PHLDB2: variants seen among roughly 807,000 people sequenced by gnomAD.
The protein encoded by PHLDB2 is pleckstrin homology-like domain family B member 2.
In PHLDB2, 71 loss-of-function variants were observed where a neutral mutation model predicts 123.6. The ratio of observed to expected loss-of-function variants is 0.57; its 90% CI spans 0.47 to 0.70. The LOEUF (loss-of-function observed/expected upper bound fraction) is 0.70. Ranked by LOEUF, PHLDB2 falls within the 30% of genes least tolerant of loss-of-function variation. The probability of loss-of-function intolerance (pLI) is 0.00; values close to 1 mark genes in which losing one functional copy is unlikely to be tolerated. For synonymous variants in PHLDB2, 547 were observed against 541.6 expected (o/e 1.01, Z -0.14); for missense variants, 1,446 against 1,519.5 (o/e 0.95, Z 0.80).
At chr3:111,971,137 G>A (rs1393963686) in intron 16 of PHLDB2, among the ~76,000 whole-genome samples, 1 of 152,176 alleles carries the variant, frequency 6.6e-6, no homozygotes, top group East Asian at 1.9e-4. Context: ...AACATCCAGA[G>A]CAGCTTTCTT....
intron 1 of PHLDB2, among the ~76,000 whole-genome samples, chr3:111,880,569 ACAGTCCCGGT>A (rs1443180276): frequency 2.6e-5 from 4 of 152,270 alleles, no homozygotes; most frequent in Non-Finnish European, 5.9e-5. Context: ...TTTATAGAGG[ACAGTCCCGGT>A]CATAACCATG....
chr3:111,922,951 T>C (rs1476945875), intron 5 of PHLDB2, among the ~76,000 whole-genome samples: 1 of 152,174 alleles, frequency 6.6e-6, no homozygotes, highest in Non-Finnish European at 1.5e-5. Context: ...AGGTCTTCAG[T>C]CTTTCTGCAC....
chr3:111,851,770 G>A (rs1461391306), intron 2 of PHLDB2, among the ~76,000 whole-genome samples: 1 of 152,028 alleles, frequency 6.6e-6, no homozygotes, highest in Non-Finnish European at 1.5e-5. Context: ...TCGATGCGAA[G>A]CCTAAAATTC....
chr3:111,887,688 T>C (rs2107349320), intron 2 of PHLDB2, among the ~76,000 whole-genome samples: 1 of 152,056 alleles, frequency 6.6e-6, no homozygotes, highest in Non-Finnish European at 1.5e-5. Context: ...TAGAAATTCA[T>C]TTTTTATTAT....
chr3:111,868,353 A>G (rs2065182612), intron 1 of PHLDB2, among the ~76,000 whole-genome samples: 1 of 152,124 alleles, frequency 6.6e-6, no homozygotes, highest in African/African-American at 2.4e-5. Context: ...GATTGTTCAA[A>G]ACAGGATCCA....
chr3:111,912,028 C>T lies in PHLDB2; in HGVS notation c.1336-1291C>T, dbSNP rs1196819211. On this transcript the variant is annotated intron_variant, in intron 2 of 17. Transcript: ENST00000431670. The stretch of plus-strand genomic sequence containing the variant: ...TCCAGTGATGCTTAATATTTTTCTG[C>T]TTTATTGCTGATAAGCAGTTTGGAA... Among the ~76,000 whole-genome samples, 4 of 152,316 alleles carry T rather than the reference C, an allele frequency of 2.6e-5. No individual in the cohort carries two copies. In the East Asian group the frequency reaches 7.7e-4, roughly 29 times the overall value.
At chr3:111,900,168 A>G (rs1355717457) in intron 2 of PHLDB2, among the ~76,000 whole-genome samples, 2 of 152,178 alleles carry the variant, frequency 1.3e-5, no homozygotes, top group Non-Finnish European at 2.9e-5. Context: ...GAAGTGTTTG[A>G]TCTATTTTGA....
chr3:111,761,307 T>C (rs1277647096), intron 1 of PHLDB2, among the ~76,000 whole-genome samples: 1 of 152,082 alleles, frequency 6.6e-6, no homozygotes, highest in Non-Finnish European at 1.5e-5. Context: ...ATGAAGATAA[T>C]TTGAAGCTAA....
intron 1 of PHLDB2, among the ~76,000 whole-genome samples, chr3:111,780,458 T>C (rs1322932348): frequency 6.6e-6 from 1 of 150,872 alleles, no homozygotes; most frequent in Non-Finnish European, 1.5e-5. Context: ...CTTGCTTTCT[T>C]TTCCATTATG....
At chr3:111,943,328 A>G (rs1037776831) in intron 8 of PHLDB2, among the ~76,000 whole-genome samples, 16 of 152,040 alleles carry the variant, frequency 1.1e-4, no homozygotes, top group African/African-American at 3.9e-4. Flanking sequence ...GTCAACATGG[A>G]AAAAAAAGTA....
At chr3:111,922,919 G>A (rs2068603021) in intron 5 of PHLDB2, among the ~76,000 whole-genome samples, 1 of 152,104 alleles carries the variant, frequency 6.6e-6, no homozygotes, top group African/African-American at 2.4e-5. Context: ...TGCTCTGGGT[G>A]TCATCCTATC....
chr3:111,968,226 G>T (rs1185438963), intron 15 of PHLDB2, among the ~76,000 whole-genome samples: 1 of 152,232 alleles, frequency 6.6e-6, no homozygotes, highest in East Asian at 1.9e-4. Context: ...AATGGAAGAG[G>T]TCCTACTAAG....
At chr3:111,774,592 G>C (rs1315790117) in intron 1 of PHLDB2, among the ~76,000 whole-genome samples, 1 of 152,076 alleles carries the variant, frequency 6.6e-6, no homozygotes, top group Non-Finnish European at 1.5e-5. Flanking sequence ...GTTTTTTTCT[G>C]TTTTCATCTT....
chr3:111,905,073 C>G (rs1311862483), intron 2 of PHLDB2, among the ~76,000 whole-genome samples: 1 of 152,182 alleles, frequency 6.6e-6, no homozygotes, highest in Admixed American at 6.5e-5. Context: ...GTTACTAAGT[C>G]TCTCTGTGCC....
chr3:111,926,795 A>C (rs1211055970), intron 5 of PHLDB2, among the ~76,000 whole-genome samples: 4 of 152,316 alleles, frequency 2.6e-5, no homozygotes, highest in African/African-American at 9.6e-5. Context: ...CATGGGGAAA[A>C]AAAGTAATTT....
intron 12 of PHLDB2, chr3:111,957,527 A>G (rs1442357263): frequency 6.6e-6 from 1 of 152,200 alleles, no homozygotes; most frequent in African/African-American, 2.4e-5. Flanking sequence ...AGTGCTGTGG[A>G]AGCATTGTTT....
At chr3:111,898,182 T>TTGTGTGTGTG (rs58183787) in intron 2 of PHLDB2, among the ~76,000 whole-genome samples, 1,543 of 142,642 alleles carry the variant, frequency 0.011, 30 homozygotes, top group African/African-American at 0.033. Flanking sequence ...GTGTGTGTGT[T>TTGTGTGTGTG]TGTGTGTGTG....
At chr3:111,951,472 T>A (rs2070714847) in intron 10 of PHLDB2, among the ~76,000 whole-genome samples, 2 of 152,226 alleles carry the variant, frequency 1.3e-5, no homozygotes, top group African/African-American at 4.8e-5. Context: ...ATTTGAAGAC[T>A]GTTTATAAAT....
intron 1 of PHLDB2, among the ~76,000 whole-genome samples, chr3:111,839,517 T>A (rs1249894763): frequency 6.6e-6 from 1 of 152,244 alleles, no homozygotes; most frequent in East Asian, 1.9e-4. Context: ...AAAATTAACA[T>A]TATCTTTAGC....
Sources: gnomAD v4.1 joint callset for allele counts (sites outside exome capture counted in the v4.1 genomes callset) on GRCh38, gnomAD v4.1.1 for gene constraint, MANE v1.5 for transcripts, NCBI Gene and HGNC (gene_info 2026-07-23, HGNC 2026-07-21) for gene names.